MFN2: variants seen among roughly 807,000 people sequenced by gnomAD.
MFN2 encodes mitofusin-2.
In MFN2, 43 loss-of-function variants were observed where a neutral mutation model predicts 87.5. The ratio of observed to expected loss-of-function variants is 0.49; its 90% CI spans 0.38 to 0.63. MFN2 has a LOEUF of 0.63. Among genes scored for constraint, MFN2 ranks in the 30% least tolerant of loss-of-function variants. MFN2 has a pLI of 0.00. For synonymous variants in MFN2, 337 were observed against 359.9 expected, an observed-to-expected ratio of 0.94 and a Z score of 0.72; for missense variants, 743 against 972.8, an observed-to-expected ratio of 0.76 and a Z score of 3.14.
chr1:12,008,185 T>C (rs557902086), intron 17 of MFN2, among the ~76,000 whole-genome samples: 337 of 152,362 alleles, frequency 2.2e-3, no homozygotes, highest in African/African-American at 7.7e-3. Flanking sequence ...GATTTCTCTA[T>C]CTTTTCCCCA....
chr1:11,998,139 C>T (rs1569839346), intron 6 of MFN2, among the ~76,000 whole-genome samples: 2 of 151,856 alleles, frequency 1.3e-5, no homozygotes, highest in Admixed American at 6.6e-5. Context: ...ACCTTAGCCT[C>T]CCAAAGTGCT....
chr1:12,001,330 T>C, intron 8 of MFN2, 71 bp from the exon 9 acceptor site: 3 of 1,589,382 alleles, frequency 1.9e-6, no homozygotes, highest in Non-Finnish European at 2.6e-6. Context: ...ACCTATTCTT[T>C]TAATAAAAGA....
intron 14 of MFN2, 71 bp from the exon 15 acceptor site, chr1:12,005,640 C>T: frequency 6.8e-7 from 1 of 1,471,026 alleles, no homozygotes; most frequent in East Asian, 2.3e-5. Context: ...AGAGCCCTGT[C>T]TCCAAGGCTT....
chr1:12,009,891 C>A (rs1051481062), intron 18 of MFN2, among the ~76,000 whole-genome samples, 165 bp downstream of exon 18: 20 of 152,168 alleles, frequency 1.3e-4, no homozygotes, highest in African/African-American at 3.6e-4. Context: ...CGGTGGCTGA[C>A]GCCTATAATC....
At chr1:11,997,667 A>T (rs1361560586) in intron 6 of MFN2, among the ~76,000 whole-genome samples, 2 of 152,200 alleles carry the variant, frequency 1.3e-5, no homozygotes, top group East Asian at 3.9e-4. Flanking sequence ...GATGCTCAAA[A>T]GTTGGTGGGG....
rs1162516405 is a variant in MFN2, at chr1:12,009,797, T to A, written c.2204+71T>A. ...CCCAGGCACACTGGGGCTCAGCTGC[T>A]GGGCTTGCGTCTTGGGTGTGGACAC... On this transcript the variant is annotated intron_variant, in intron 18 of 18. Transcript: ENST00000235329. The A allele has an allele frequency of 2.5e-6, 4 of 1,608,754 alleles. No homozygotes were observed. In the Admixed American group the frequency reaches 5.0e-5, roughly 20 times the overall value.
rs750571681 is a variant in MFN2 at position 11,992,638 on chromosome 1, G to A, written c.259G>A (p.Gly87Ser). ...DVKGYLSKVRGISEVLARRHM... is the reference protein window; with the variant it reads ...DVKGYLSKVRSISEVLARRHM... ...CAAAGGTTACCTATCCAAAGTGAGA[G>A]GCATCAGTGAGGTGCTGGCTCGGAG... Residue 87 changes from glycine to serine, a missense_variant, in exon 4 of 19, where the codon GGC becomes AGC. Transcript: ENST00000235329. 10 of 1,614,190 alleles carry A rather than the reference G, an allele frequency of 6.2e-6. No homozygotes were observed. The highest frequency in any genetic ancestry group is 3.3e-5 in the Admixed American group (2 of 60,026).
chr1:11,991,289 C>CAGTT (rs1285543594), intron 3 of MFN2, among the ~76,000 whole-genome samples: 1 of 152,150 alleles, frequency 6.6e-6, no homozygotes, highest in African/African-American at 2.4e-5. Flanking sequence ...GTGAGCTGTA[C>CAGTT]AGTTACCTTA....
chr1:11,980,707 C>T (rs1428843286), intron 1 of MFN2, among the ~76,000 whole-genome samples: 1 of 152,226 alleles, frequency 6.6e-6, no homozygotes, highest in African/African-American at 2.4e-5. Flanking sequence ...CCTGTAGCTT[C>T]TCATCGCCCC....
chr1:12,001,332 A>C, intron 8 of MFN2, 69 bp from the exon 9 acceptor site: 1 of 1,590,404 alleles, frequency 6.3e-7, no homozygotes, highest in Admixed American at 1.7e-5. Flanking sequence ...CTATTCTTTT[A>C]ATAAAAGAGG....
At chr1:11,992,720 TC>T (rs2100813134) in intron 4 of MFN2, 30 bp downstream of exon 4, 1 of 1,614,194 alleles carries the variant, frequency 6.2e-7, no homozygotes, top group Admixed American at 1.7e-5. Flanking sequence ...ACCCTTTCTT[TC>T]TTCCTGGCTA....
chr1:12,011,442 C>G lies in MFN2; in HGVS notation c.2205-54C>G. 3 of 1,593,862 alleles carry G rather than the reference C, an allele frequency of 1.9e-6. No individual in the cohort carries two copies. In the South Asian group the frequency reaches 3.3e-5, roughly 18 times the overall value. ...TTAGGATGGTGCCTGGCGGGTAGTC[C>G]TAATACTGCCTATCATCAGCTATCA... On this transcript the variant is annotated intron_variant, in intron 18 of 18. Coordinates refer to ENST00000235329, the MANE Select transcript of MFN2 (RefSeq NM_014874.4).
chr1:11,998,187 T>A (rs1230558509), intron 6 of MFN2, among the ~76,000 whole-genome samples: 1 of 151,848 alleles, frequency 6.6e-6, no homozygotes, highest in Non-Finnish European at 1.5e-5. Context: ...CCGCCTGGTA[T>A]ATCATCTTTA....
intron 16 of MFN2, 98 bp from the exon 17 acceptor site, chr1:12,006,955 C>T: frequency 8.0e-6 from 12 of 1,496,110 alleles, no homozygotes; most frequent in Non-Finnish European, 8.4e-6. Context: ...ATGAAGGCTC[C>T]TTGGCTGGGG....
chr1:11,989,450 C>A, intron 3 of MFN2, 107 bp downstream of exon 3: 1 of 1,278,014 alleles, frequency 7.8e-7, no homozygotes, highest in Admixed American at 2.1e-5. Context: ...AAGTCATAAC[C>A]AGATAGCCTT....
At chr1:12,006,003 A>G in intron 15 of MFN2, 72 bp downstream of exon 15, 3 of 1,457,958 alleles carry the variant, frequency 2.1e-6, no homozygotes, top group Non-Finnish European at 2.9e-6. Context: ...CACGGGAACC[A>G]TTCTAAAACG....
At chr1:12,010,919 C>T (rs74370902) in intron 18 of MFN2, among the ~76,000 whole-genome samples, 4,368 of 152,240 alleles carry the variant, frequency 0.029, 205 homozygotes, top group African/African-American at 0.098. Flanking sequence ...TCGCCCCTGA[C>T]GTCAGAGTCT....
chr1:12,002,184 C>T (rs187683737), intron 11 of MFN2, 81 bp downstream of exon 11: 560 of 1,606,448 alleles, frequency 3.5e-4, no homozygotes, highest in Non-Finnish European at 4.5e-4. Flanking sequence ...AGTTAGGACA[C>T]GCCTTGATGG....
intron 2 of MFN2, 97 bp from the exon 3 acceptor site, chr1:11,989,068 C>T: frequency 7.4e-7 from 1 of 1,344,224 alleles, no homozygotes; most frequent in Non-Finnish European, 1.1e-6. Context: ...CTGAGATCCC[C>T]ATATTCTTGA....
Sources: gnomAD v4.1 joint callset for allele counts (sites outside exome capture counted in the v4.1 genomes callset) on GRCh38, gnomAD v4.1.1 for gene constraint, MANE v1.5 for transcripts, NCBI Gene and HGNC (gene_info 2026-07-23, HGNC 2026-07-21) for gene names.